Variants in GAB2 observed in about 807,000 individuals in gnomAD.
GAB2 encodes GRB2 associated binding protein 2, also known as GRB2-associated-binding protein 2.
Under a neutral mutation model 65.5 loss-of-function variants are expected in GAB2, and 26 were observed. The observed-to-expected ratio is 0.40, with a 90% CI of 0.29 to 0.55. The LOEUF is 0.55. Among genes scored for constraint, GAB2 ranks in the 20% least tolerant of loss-of-function variants. The pLI is 0.53. For synonymous variants in GAB2, 321 were observed against 329.6 expected (o/e 0.97, Z 0.28); for missense variants, 884 against 875.8 (o/e 1.01, Z -0.12).
chr11:78,414,778 A>C (rs1857173040), intron 1 of GAB2, among the ~76,000 whole-genome samples: 1 of 152,216 alleles, frequency 6.6e-6, no homozygotes, highest in South Asian at 2.1e-4. Flanking sequence ...GCTGATGAAA[A>C]AAATCCCTGA....
chr11:78,389,639 A>T (rs557608981), intron 1 of GAB2, among the ~76,000 whole-genome samples: 17 of 152,350 alleles, frequency 1.1e-4, no homozygotes, highest in Non-Finnish European at 2.1e-4. Context: ...ATGTTCTGAA[A>T]ATAGTGGTGA....
intron 2 of GAB2, among the ~76,000 whole-genome samples, chr11:78,262,748 T>C (rs2134548261): frequency 6.6e-6 from 1 of 152,202 alleles, no homozygotes; most frequent in East Asian, 1.9e-4. Flanking sequence ...AAAGGGAGAG[T>C]TGTCTTTTTA....
intron 1 of GAB2, among the ~76,000 whole-genome samples, chr11:78,360,070 T>C (rs931487834): frequency 6.6e-6 from 1 of 152,066 alleles, no homozygotes; most frequent in Non-Finnish European, 1.5e-5. Context: ...AGTGTGACCA[T>C]GGGCAGAGAT....
At chr11:78,281,392 T>G (rs1249286941) in intron 1 of GAB2, among the ~76,000 whole-genome samples, 2 of 152,134 alleles carry the variant, frequency 1.3e-5, no homozygotes, top group East Asian at 3.9e-4. Flanking sequence ...ATTACAGGCA[T>G]GTGCCACCAC....
intron 1 of GAB2, among the ~76,000 whole-genome samples, chr11:78,410,434 G>A (rs1227755714): frequency 3.3e-5 from 5 of 152,246 alleles, no homozygotes; most frequent in Admixed American, 2.0e-4. Context: ...AACCTGGGAG[G>A]TGGAGGTTGT....
intron 1 of GAB2, among the ~76,000 whole-genome samples, chr11:78,329,334 T>C (rs1304781974): frequency 6.6e-6 from 1 of 152,188 alleles, no homozygotes; most frequent in East Asian, 1.9e-4. Flanking sequence ...CTTAACTTTT[T>C]ACAAGAGTAC....
At chr11:78,232,931 T>C (rs1864884935) in intron 3 of GAB2, among the ~76,000 whole-genome samples, 1 of 152,208 alleles carries the variant, frequency 6.6e-6, no homozygotes, top group African/African-American at 2.4e-5. Flanking sequence ...CTTTGTAAAC[T>C]TTAAAGCATC....
At position 78,297,044 on chromosome 11, in the gene GAB2, C is replaced by G. The variant is rs996694748; in HGVS notation, c.76-16143G>C. Among the ~76,000 whole-genome samples, 5 of 152,310 alleles carry G rather than the reference C, an allele frequency of 3.3e-5. No individual in the cohort carries two copies. The South Asian group carries it at 1.0e-3, about 32-fold the overall frequency. On this transcript the variant is annotated intron_variant, in intron 1 of 9. Transcript: ENST00000361507. ...CAACACATCAGGGATAAGATTTCAA[C>G]ATACACGTTTTGGAGGGACACAAAC...
intron 1 of GAB2, among the ~76,000 whole-genome samples, chr11:78,289,840 T>TA (rs1554984003): frequency 3.7e-4 from 53 of 144,618 alleles, no homozygotes; most frequent in African/African-American, 1.0e-3. Context: ...TTTTTTTTTT[T>TA]AAATACAACA....
chr11:78,333,696 G>T (rs1855952838), intron 1 of GAB2, among the ~76,000 whole-genome samples: 2 of 152,170 alleles, frequency 1.3e-5, no homozygotes, highest in South Asian at 4.1e-4. Context: ...CACCATGGGT[G>T]ATCTAAAACT....
At chr11:78,273,825 G>A (rs1038313404) in intron 2 of GAB2, among the ~76,000 whole-genome samples, 10 of 152,160 alleles carry the variant, frequency 6.6e-5, no homozygotes, top group Non-Finnish European at 1.5e-4. Flanking sequence ...GAATCATGGG[G>A]CAGGTCTTTC....
chr11:78,382,395 T>C (rs1856709728), intron 1 of GAB2, among the ~76,000 whole-genome samples: 1 of 151,738 alleles, frequency 6.6e-6, no homozygotes, highest in Non-Finnish European at 1.5e-5. Flanking sequence ...TTTTTTTTTT[T>C]TGAGACAGAG....
At chr11:78,388,171 A>G (rs1392005980) in intron 1 of GAB2, 1 of 151,926 alleles carries the variant, frequency 6.6e-6, no homozygotes, top group Non-Finnish European at 1.5e-5. Context: ...GACTATAGGC[A>G]TGCACCACCA....
chr11:78,321,355 C>T (rs559175972), intron 1 of GAB2, among the ~76,000 whole-genome samples: 1 of 152,190 alleles, frequency 6.6e-6, no homozygotes, highest in Non-Finnish European at 1.5e-5. Flanking sequence ...TCTGCTCTAC[C>T]TCCTGCTTAC....
chr11:78,222,255 C>T (rs1864464904), intron 6 of GAB2, 60 bp from the exon 7 acceptor site: 1 of 1,039,566 alleles, frequency 9.6e-7, no homozygotes, highest in Non-Finnish European at 1.5e-6. Context: ...CACATACACA[C>T]CTTATATATA....
At chr11:78,303,608 C>A (rs983442871) in intron 1 of GAB2, among the ~76,000 whole-genome samples, 5 of 152,144 alleles carry the variant, frequency 3.3e-5, no homozygotes, top group African/African-American at 1.2e-4. Context: ...AGTTCTCCAA[C>A]TTTGTTCTTT....
chr11:78,385,988 A>C (rs1856760920), intron 1 of GAB2, among the ~76,000 whole-genome samples: 1 of 152,196 alleles, frequency 6.6e-6, no homozygotes. Context: ...CTGTCTATCT[A>C]TACGTATGTA....
At chr11:78,370,946 G>C (rs1856564136) in intron 1 of GAB2, among the ~76,000 whole-genome samples, 1 of 152,154 alleles carries the variant, frequency 6.6e-6, no homozygotes, top group South Asian at 2.1e-4. Flanking sequence ...TGGTAGGAGA[G>C]GCCAGGGTCT....
chr11:78,231,336 G>GGC (rs1554975138), intron 3 of GAB2, among the ~76,000 whole-genome samples: 1 of 145,796 alleles, frequency 6.9e-6, no homozygotes. Flanking sequence ...GCGCGTGTGT[G>GGC]GTGTGTGTGT....
Sources: gnomAD v4.1 joint callset for allele counts (sites outside exome capture counted in the v4.1 genomes callset) on GRCh38, gnomAD v4.1.1 for gene constraint, MANE v1.5 for transcripts, NCBI Gene and HGNC (gene_info 2026-07-23, HGNC 2026-07-21) for gene names.